The following ARHGEF28 variants were observed in gnomAD, a reference collection of about 807,000 sequenced individuals.
The protein encoded by ARHGEF28 is 190 kDa guanine nucleotide exchange factor.
In ARHGEF28, 152 loss-of-function variants were observed where a neutral mutation model predicts 206.6. The ratio of observed to expected loss-of-function variants is 0.74; its 90% CI spans 0.64 to 0.84. The LOEUF is 0.84. ARHGEF28 is among the 40% of genes least tolerant of loss of function. ARHGEF28 has a pLI of 0.00. For synonymous variants in ARHGEF28, 763 were observed against 776.4 expected, an observed-to-expected ratio of 0.98 and a Z score of 0.29; for missense variants, 2,028 against 2,073.2, an observed-to-expected ratio of 0.98 and a Z score of 0.42.
At chr5:73,891,294 T>G (rs1173619146) in intron 26 of ARHGEF28, among the ~76,000 whole-genome samples, 2 of 152,148 alleles carry the variant, frequency 1.3e-5, no homozygotes, top group Non-Finnish European at 2.9e-5. Context: ...TGTAGTCACT[T>G]TTATAGTCCA....
At chr5:73,700,827 C>T (rs1189892743) in intron 2 of ARHGEF28, among the ~76,000 whole-genome samples, 1 of 152,012 alleles carries the variant, frequency 6.6e-6, no homozygotes, top group Non-Finnish European at 1.5e-5. Flanking sequence ...AATAAAGTCA[C>T]CATAAAATAT....
In ARHGEF28 at chr5:73,676,044, T is replaced by C. The variant is rs1333248318; in HGVS notation, c.-11-8797T>C. On this transcript the variant is annotated intron_variant, in intron 1 of 35. Transcript: ENST00000513042. Reference sequence around the variant, plus strand: ...TTGATTGACTCCGCACCATACAATCTACCAGTCACATTTGATTTTCTTTTC... The same window carrying C: ...TTGATTGACTCCGCACCATACAATCCACCAGTCACATTTGATTTTCTTTTC... Among the ~76,000 whole-genome samples the C allele has an allele frequency of 1.3e-5, 2 of 150,502 alleles. 1 individual carries two copies. The highest frequency in any genetic ancestry group is 4.2e-4 in the South Asian group (2 of 4,766).
At chr5:73,815,887 T>A (rs1444619470) in intron 9 of ARHGEF28, among the ~76,000 whole-genome samples, 1 of 152,080 alleles carries the variant, frequency 6.6e-6, no homozygotes, top group African/African-American at 2.4e-5. Flanking sequence ...GAAAATAAGG[T>A]TGGTAGCAGA....
intron 29 of ARHGEF28, among the ~76,000 whole-genome samples, chr5:73,895,485 C>T (rs1761910816): frequency 6.6e-6 from 1 of 152,024 alleles, no homozygotes; most frequent in Non-Finnish European, 1.5e-5. Flanking sequence ...GTGGTTGTAA[C>T]CTGAGGGCAG....
chr5:73,630,355 TA>T (rs943133312), intron 1 of ARHGEF28, among the ~76,000 whole-genome samples: 4 of 152,156 alleles, frequency 2.6e-5, no homozygotes, highest in African/African-American at 9.7e-5. Context: ...CTGTCTGGGT[TA>T]AATAGCCCCA....
chr5:73,763,358 G>A (rs188081779), intron 4 of ARHGEF28, among the ~76,000 whole-genome samples: 72 of 152,176 alleles, frequency 4.7e-4, no homozygotes, highest in African/African-American at 1.3e-3. Context: ...TTCTCAATCC[G>A]GGACTTTGGA....
chr5:73,788,330 C>A (rs1754279997), intron 7 of ARHGEF28, among the ~76,000 whole-genome samples: 1 of 152,074 alleles, frequency 6.6e-6, no homozygotes, highest in South Asian at 2.1e-4. Context: ...GCCCTGGCTT[C>A]AATTTAAAAA....
intron 2 of ARHGEF28, among the ~76,000 whole-genome samples, chr5:73,685,476 T>G (rs1010406185): frequency 1.3e-5 from 2 of 152,128 alleles, no homozygotes; most frequent in African/African-American, 4.8e-5. Context: ...TCCTCCTTCC[T>G]TCTGATTTCA....
chr5:73,934,232 C>T (rs151171002), intron 35 of ARHGEF28, among the ~76,000 whole-genome samples: 390 of 152,186 alleles, frequency 2.6e-3, no homozygotes, highest in African/African-American at 8.6e-3. Context: ...TTCTTCTGCC[C>T]CTATATTTCC....
chr5:73,828,624 CT>C (rs1311436644), intron 9 of ARHGEF28, among the ~76,000 whole-genome samples: 1 of 124,742 alleles, frequency 8.0e-6, no homozygotes, highest in East Asian at 2.0e-4. Context: ...TTCTTTTTTC[CT>C]TTTTCCTTTT....
chr5:73,775,497 A>G (rs576375361), intron 5 of ARHGEF28, among the ~76,000 whole-genome samples: 3 of 152,202 alleles, frequency 2.0e-5, no homozygotes, highest in Non-Finnish European at 4.4e-5. Flanking sequence ...GAGGTCCCCC[A>G]AGACTTAGAG....
chr5:73,901,074 G>A, intron 30 of ARHGEF28, 110 bp from the exon 31 acceptor site: 2 of 785,278 alleles, frequency 2.5e-6, no homozygotes, highest in South Asian at 1.6e-5. Flanking sequence ...GTATTATTTT[G>A]TGGTGTTTCC....
chr5:73,913,879 G>A (rs796137853), intron 35 of ARHGEF28, among the ~76,000 whole-genome samples: 6 of 152,122 alleles, frequency 3.9e-5, no homozygotes, highest in African/African-American at 1.4e-4. Flanking sequence ...AGGCCATAAC[G>A]TCTGCCGTTC....
intron 1 of ARHGEF28, among the ~76,000 whole-genome samples, chr5:73,663,919 T>A (rs952954398): frequency 3.3e-5 from 5 of 152,144 alleles, no homozygotes; most frequent in Non-Finnish European, 7.4e-5. Flanking sequence ...AGCCCTAGGG[T>A]AGAGGTGGAT....
intron 7 of ARHGEF28, among the ~76,000 whole-genome samples, chr5:73,794,014 G>A (rs936049029): frequency 3.9e-5 from 6 of 152,176 alleles, no homozygotes; most frequent in African/African-American, 7.2e-5. Flanking sequence ...TGTGGTATTT[G>A]AGGAAATAGA....
At chr5:73,665,659 G>A (rs2112200972) in intron 1 of ARHGEF28, among the ~76,000 whole-genome samples, 1 of 152,266 alleles carries the variant, frequency 6.6e-6, no homozygotes, top group Non-Finnish European at 1.5e-5. Context: ...GAGAGGAAGA[G>A]GGGGCCAAAC....
chr5:73,686,044 A>C lies in ARHGEF28; in HGVS notation c.33+1160A>C, dbSNP rs147513555. Reference sequence around the variant, plus strand: ...TCACTCCCTTCTACACATGACACATACTTCTCTGGAGGAAGACAGAGTCAT... The same window carrying C: ...TCACTCCCTTCTACACATGACACATCCTTCTCTGGAGGAAGACAGAGTCAT... On this transcript the variant is annotated intron_variant, in intron 2 of 35. Coordinates refer to ENST00000513042, the MANE Select transcript of ARHGEF28 (RefSeq NM_001177693.2). Among the ~76,000 whole-genome samples, 77 of 152,256 alleles carry C rather than the reference A, an allele frequency of 5.1e-4. No individual in the cohort carries two copies. The East Asian group carries it at 0.012, about 23-fold the overall frequency.
intron 17 of ARHGEF28, 47 bp from the exon 18 acceptor site, chr5:73,865,918 A>G (rs1460191505): frequency 7.5e-7 from 1 of 1,325,000 alleles, no homozygotes; most frequent in African/African-American, 1.5e-5. Flanking sequence ...CTTATAGTCT[A>G]ATGATACTTT....
rs561739726 is a variant in ARHGEF28, at chr5:73,642,181, C to A, written c.-12+15859C>A. On this transcript the variant is annotated intron_variant, in intron 1 of 35. Coordinates refer to ENST00000513042, the MANE Select transcript of ARHGEF28 (RefSeq NM_001177693.2). ...TCCACTCAACTGATCTGAAATTTTTCCTGCCTCTACATTTGCAGATTTGTC... is the reference window on the plus strand; with the variant it reads ...TCCACTCAACTGATCTGAAATTTTTACTGCCTCTACATTTGCAGATTTGTC... Among the ~76,000 whole-genome samples the A allele has an allele frequency of 2.0e-5, 3 of 152,314 alleles. No individual in the cohort carries two copies. The South Asian group carries it at 6.2e-4, about 32-fold the overall frequency.
Sources: allele counts gnomAD v4.1 joint callset (sites outside exome capture counted in the v4.1 genomes callset), GRCh38; gene constraint gnomAD v4.1.1; transcripts MANE v1.5; gene names NCBI Gene and HGNC (gene_info 2026-07-23, HGNC 2026-07-21).